KIF26B: variants seen among roughly 807,000 people sequenced by gnomAD.
KIF26B encodes kinesin-like protein KIF26B.
In KIF26B, 63 loss-of-function variants were observed where a neutral mutation model predicts 151.2. The ratio of observed to expected loss-of-function variants is 0.42; its 90% CI spans 0.34 to 0.51. KIF26B has a LOEUF of 0.51. KIF26B is among the 20% of genes least tolerant of loss of function. The pLI, the probability that KIF26B is intolerant of heterozygous loss-of-function variation, is 0.07. For missense variants in KIF26B, 2,813 were observed against 2,913.6 expected (o/e 0.97, Z 0.79); for synonymous variants, 1,357 against 1,262.1 (o/e 1.08, Z -1.59).
chr1:245,317,715 C>T (rs1428825930), intron 2 of KIF26B, among the ~76,000 whole-genome samples: 1 of 152,212 alleles, frequency 6.6e-6, no homozygotes, highest in East Asian at 1.9e-4. Context: ...TCTCCCCCAG[C>T]TCCTGCACAC....
intron 10 of KIF26B, among the ~76,000 whole-genome samples, chr1:245,680,088 G>A (rs1180022199): frequency 6.6e-6 from 1 of 152,148 alleles, no homozygotes; most frequent in Non-Finnish European, 1.5e-5. Flanking sequence ...AGTCTGTGCT[G>A]ACTGTTGCCC....
At chr1:245,270,474 G>A (rs193194622) in intron 2 of KIF26B, among the ~76,000 whole-genome samples, 2 of 151,752 alleles carry the variant, frequency 1.3e-5, no homozygotes. Context: ...ACAGGCATGG[G>A]GTGATACTTC....
chr1:245,575,247 A>G (rs2043107582), intron 5 of KIF26B, among the ~76,000 whole-genome samples: 1 of 151,642 alleles, frequency 6.6e-6, no homozygotes, highest in Non-Finnish European at 1.5e-5. Context: ...GGCAGAGGCG[A>G]GTGGATCACC....
intron 5 of KIF26B, among the ~76,000 whole-genome samples, chr1:245,584,270 C>T (rs1469508134): frequency 6.6e-6 from 1 of 152,186 alleles, no homozygotes; most frequent in East Asian, 1.9e-4. Flanking sequence ...TCCCTAGAGG[C>T]TGAGCAGATG....
chr1:245,191,694 A>G (rs1444331457), intron 2 of KIF26B, among the ~76,000 whole-genome samples: 2 of 152,236 alleles, frequency 1.3e-5, no homozygotes, highest in Non-Finnish European at 2.9e-5. Context: ...AAAAAATTAC[A>G]ACGAAGCATG....
rs368712214 is a variant in KIF26B, at chr1:245,247,484, T to G, written c.465+90801T>G. On this transcript the variant is annotated intron_variant, in intron 2 of 14. Coordinates refer to ENST00000407071, the MANE Select transcript of KIF26B (RefSeq NM_018012.4). ...AAAAAAATAAAAATAAAATTTGAGA[T>G]GCTTGGAGGAATAGAAAATTGGTGA... is the stretch of plus-strand genomic sequence containing the variant. Among the ~76,000 whole-genome samples, 15 of 152,000 alleles carry G rather than the reference T, an allele frequency of 9.9e-5. 1 individual carries two copies. The South Asian group carries it at 3.1e-3, about 32-fold the overall frequency.
rs1386388017 is a variant in KIF26B at position 245,661,950 on chromosome 1, TACAC to T, written c.2258+15675_2258+15678del. 8.8e-5 allele frequency among the ~76,000 whole-genome samples: 7 copies of T among 79,966 alleles called. 2 individuals are homozygous for T. Among genetic ancestry groups the T allele is most frequent in the Non-Finnish European group, 1.3e-4 (5 of 38,668 alleles). 52.5% of individuals were successfully genotyped at this position (79,966 alleles called of 152,430 possible). A position where few individuals can be genotyped will look rare whatever the true frequency, so the allele number is the denominator to read the frequency against. On this transcript the variant is annotated intron_variant, in intron 10 of 14. Transcript: ENST00000407071. ...ATATATACACCCAATGATGTATACA[TACAC>T]ACACCCCATATATATATATACTCAA... is the stretch of plus-strand genomic sequence containing the variant.
intron 9 of KIF26B, among the ~76,000 whole-genome samples, chr1:245,640,144 T>TCTCTCTCTCTCTCTCTCTCTCTCTCC (rs1558247536): frequency 4.1e-5 from 3 of 73,266 alleles, no homozygotes; most frequent in Non-Finnish European, 8.0e-5. Flanking sequence ...TCTCTCTCTC[T>TCTCTCTCTCTCTCTCTCTCTCTCTCC]ATATATATAT....
chr1:245,315,888 A>T (rs957889098), intron 2 of KIF26B, among the ~76,000 whole-genome samples: 1 of 152,080 alleles, frequency 6.6e-6, no homozygotes, highest in Non-Finnish European at 1.5e-5. Context: ...GAGAGAGTAA[A>T]AAATGGTTCA....
At chr1:245,219,945 A>G (rs929671113) in intron 2 of KIF26B, among the ~76,000 whole-genome samples, 1 of 151,808 alleles carries the variant, frequency 6.6e-6, no homozygotes, top group African/African-American at 2.4e-5. Flanking sequence ...AGCAAATTCC[A>G]CCTTATTTGA....
chr1:245,576,200 A>G (rs1274711092), intron 5 of KIF26B, among the ~76,000 whole-genome samples: 1 of 152,114 alleles, frequency 6.6e-6, no homozygotes, highest in Non-Finnish European at 1.5e-5. Context: ...CCAGACTGAT[A>G]TTTCTAAATT....
At chr1:245,238,466 G>A (rs1379327145) in intron 2 of KIF26B, among the ~76,000 whole-genome samples, 1 of 152,100 alleles carries the variant, frequency 6.6e-6, no homozygotes. Flanking sequence ...ATATCGTGTT[G>A]CAGATCAACC....
intron 2 of KIF26B, among the ~76,000 whole-genome samples, chr1:245,240,230 T>A (rs747467009): frequency 1.2e-4 from 18 of 152,128 alleles, no homozygotes; most frequent in Non-Finnish European, 2.2e-4. Context: ...GTTATTCTGG[T>A]GCCTAACGAC....
At position 245,166,627 on chromosome 1, in the gene KIF26B, T is replaced by C. The variant is rs1668619051; in HGVS notation, c.465+9944T>C. 1.3e-5 allele frequency among the ~76,000 whole-genome samples: 2 copies of C among 152,186 alleles called. No individual in the cohort carries two copies. The highest frequency in any genetic ancestry group is 2.9e-5 in the Non-Finnish European group (2 of 68,046). On this transcript the variant is annotated intron_variant, in intron 2 of 14. Coordinates refer to ENST00000407071, the MANE Select transcript of KIF26B (RefSeq NM_018012.4). This position sits in a 1 kb window ranked among gnomAD's most constrained non-coding sequence, Gnocchi z 4.5. The stretch of plus-strand genomic sequence containing the variant: ...GGGGAATGAGGGAGAGCAGATTTCC[T>C]CCAGTGACTGCGCATGCGATGTGCA...
intron 2 of KIF26B, among the ~76,000 whole-genome samples, chr1:245,212,351 G>T (rs901365042): frequency 5.9e-5 from 9 of 152,130 alleles, no homozygotes; most frequent in Admixed American, 5.2e-4. Context: ...GTTCCTGCAG[G>T]ACACCCTGCC....
chr1:245,475,703 C>T (rs1660021476), intron 4 of KIF26B, among the ~76,000 whole-genome samples: 1 of 151,854 alleles, frequency 6.6e-6, no homozygotes, highest in African/African-American at 2.4e-5. Context: ...GATGCCACTT[C>T]AAACCGTCTG....
chr1:245,579,130 T>A (rs1218389926), intron 5 of KIF26B, among the ~76,000 whole-genome samples: 4 of 152,216 alleles, frequency 2.6e-5, no homozygotes, highest in African/African-American at 9.6e-5. Flanking sequence ...AGTTATTTTC[T>A]TCCTAGCCAC....
At chr1:245,191,388 T>C (rs980114824) in intron 2 of KIF26B, among the ~76,000 whole-genome samples, 1 of 151,904 alleles carries the variant, frequency 6.6e-6, no homozygotes, top group African/African-American at 2.4e-5. Flanking sequence ...GGCAGGAGAA[T>C]CATTTAAACC....
At chr1:245,390,757 A>G (rs1673665298) in intron 3 of KIF26B, among the ~76,000 whole-genome samples, 1 of 151,898 alleles carries the variant, frequency 6.6e-6, no homozygotes, top group South Asian at 2.1e-4. Context: ...AAAGGAAAAT[A>G]ACTAATGGTT....
Sources: allele counts gnomAD v4.1 joint callset (sites outside exome capture counted in the v4.1 genomes callset), GRCh38; gene constraint gnomAD v4.1.1; non-coding constraint Gnocchi (gnomAD v3.1); transcripts MANE v1.5; gene names NCBI Gene and HGNC (gene_info 2026-07-23, HGNC 2026-07-21).